Variants in FYB2 observed in about 807,000 individuals in gnomAD.
FYB2 encodes the protein FYN binding protein 2.
A neutral mutation model predicts 94.1 loss-of-function variants in FYB2; 103 were observed. The observed-to-expected ratio is 1.09, with a 90% CI of 0.93 to 1.29. The LOEUF is 1.29. Among genes scored for constraint, FYB2 ranks in the 50% most tolerant of loss-of-function variants. The probability of loss-of-function intolerance (pLI) is 0.00; values close to 1 mark genes in which losing one functional copy is unlikely to be tolerated. For missense variants in FYB2, 896 were observed against 841.5 expected, an observed-to-expected ratio of 1.06 and a Z score of -0.80; for synonymous variants, 293 against 287.9, an observed-to-expected ratio of 1.02 and a Z score of -0.18.
intron 5 of FYB2, among the ~76,000 whole-genome samples, chr1:56,766,808 A>G (rs1645635121): frequency 6.6e-6 from 1 of 152,138 alleles, no homozygotes; most frequent in African/African-American, 2.4e-5. Flanking sequence ...TGAACTTCCT[A>G]AGTATGTATT....
In FYB2 at chr1:56,734,862, CA is replaced by C. The variant is rs1644797202; in HGVS notation, c.1793+2224del. ...ACCAATAAACATATTTTAAAATGTTCAACATCACTAATCACCAGGGAAATGC... is the reference window on the plus strand; with the variant it reads ...ACCAATAAACATATTTTAAAATGTTCACATCACTAATCACCAGGGAAATGC... On this transcript the variant is annotated intron_variant, in intron 15 of 19. Transcript: ENST00000343433. Among the ~76,000 whole-genome samples the C allele has an allele frequency of 5.3e-5, 8 of 151,818 alleles. No homozygotes were observed. The South Asian group carries it at 1.7e-3, about 32-fold the overall frequency.
intron 17 of FYB2, 78 bp downstream of exon 17, chr1:56,723,510 A>G (rs1020429737): frequency 3.9e-6 from 3 of 775,826 alleles, no homozygotes; most frequent in South Asian, 3.9e-5. Context: ...GAGGCACAGC[A>G]TACTTACAGA....
intron 9 of FYB2, among the ~76,000 whole-genome samples, chr1:56,748,880 AT>A (rs1289352442): frequency 1.3e-5 from 2 of 152,080 alleles, no homozygotes; most frequent in Admixed American, 1.3e-4. Flanking sequence ...CCTTCAGTGC[AT>A]TTTATCTGGA....
chr1:56,727,651 A>G (rs1644611852), intron 15 of FYB2, among the ~76,000 whole-genome samples: 1 of 152,142 alleles, frequency 6.6e-6, no homozygotes, highest in Non-Finnish European at 1.5e-5. Context: ...TTTATTTTGA[A>G]CAAGGAAATG....
At chr1:56,787,044 T>C (rs1479882029) in intron 4 of FYB2, 131 bp downstream of exon 4, 1 of 977,274 alleles carries the variant, frequency 1.0e-6, no homozygotes, top group Non-Finnish European at 1.6e-6. Context: ...TTGTTGCTTA[T>C]AAGTTCACTG....
intron 15 of FYB2, 138 bp from the exon 16 acceptor site, chr1:56,726,721 G>A (rs765932290): frequency 4.3e-6 from 3 of 699,878 alleles, no homozygotes; most frequent in Non-Finnish European, 6.8e-6. Flanking sequence ...TCCATGGAAA[G>A]GCCATATAAT....
At chr1:56,821,658 T>A (rs1422456976), upstream of FYB2, among the ~76,000 whole-genome samples, 1 of 152,192 alleles carries the variant, frequency 6.6e-6, no homozygotes, top group Non-Finnish European at 1.5e-5. Flanking sequence ...CTTTCCCCTC[T>A]CCTCCTCAAT....
At chr1:56,812,449 C>T (rs1646788164) in intron 1 of FYB2, among the ~76,000 whole-genome samples, 1 of 152,168 alleles carries the variant, frequency 6.6e-6, no homozygotes, top group African/African-American at 2.4e-5. Flanking sequence ...AGATGATTAA[C>T]AGTAACAATA....
At position 56,792,612 on chromosome 1, in the gene FYB2, G is replaced by A; in HGVS notation, c.201C>T (p.Ser67=). The change falls in exon 2 of 20, where the codon TCC becomes TCT. Residue 67 remains serine (S), a synonymous_variant. Coordinates refer to ENST00000343433, the MANE Select transcript of FYB2 (RefSeq NM_001004303.5). ...SNHKQRTPYC[S]SSESQPLQPQ... is the part of the protein sequence containing the mutation. ...GTTGAAGAGGCTGGGACTCACTACT[G>A]GAACAGTATGGTGTGCGCTGCTTGT... 1 of 1,614,040 alleles carries A rather than the reference G, an allele frequency of 6.2e-7. No homozygotes were observed. The highest frequency in any genetic ancestry group is 2.2e-5 in the East Asian group (1 of 44,854).
upstream of FYB2, chr1:56,819,731 G>A (rs1646967596): frequency 1.0e-5 from 2 of 198,738 alleles, no homozygotes; most frequent in Non-Finnish European, 1.0e-5. Context: ...ATCCCCGTTA[G>A]TAACAACCTC....
chr1:56,822,146 C>T (rs560211841), upstream of FYB2, among the ~76,000 whole-genome samples: 1 of 152,142 alleles, frequency 6.6e-6, no homozygotes, highest in Non-Finnish European at 1.5e-5. Context: ...TTGCGAGCAT[C>T]ATTTTATTTA....
At chr1:56,747,443 T>A (rs1557604224) in intron 9 of FYB2, among the ~76,000 whole-genome samples, 1 of 151,954 alleles carries the variant, frequency 6.6e-6, no homozygotes, top group African/African-American at 2.4e-5. Flanking sequence ...TATGTGATGT[T>A]CCCTTCCCTG....
intron 4 of FYB2, among the ~76,000 whole-genome samples, chr1:56,769,558 GA>G (rs1396821335): frequency 1.3e-5 from 2 of 152,056 alleles, no homozygotes; most frequent in African/African-American, 4.8e-5. Context: ...TAATAATATG[GA>G]AAGTAGTGGA....
At chr1:56,826,723 A>T in the FYB2 span, 1 of 152,230 alleles carries the variant, frequency 6.6e-6, no homozygotes, top group East Asian at 1.9e-4. Context: ...AACTGGTTTT[A>T]TTCCTATCCA....
rs2100724162 is a variant in FYB2, at chr1:56,755,792, C to G, written c.1130+104G>C. ...AAGGTGCCGGGGAAACTGAACCAGG[C>G]TAGCTCAGTTTGGAAACATAGCTGG... On this transcript the variant is annotated intron_variant, in intron 7 of 19. Transcript: ENST00000343433. 3 of 1,153,232 alleles carry G rather than the reference C, an allele frequency of 2.6e-6. No homozygotes were observed. In the East Asian group the frequency reaches 7.1e-5, roughly 27 times the overall value. The allele number at this position is 1,153,232 out of a possible 1,614,324, so 71.4% of individuals were successfully genotyped here.
chr1:56,783,699 C>G (rs189213842), intron 4 of FYB2, among the ~76,000 whole-genome samples: 2 of 151,136 alleles, frequency 1.3e-5, no homozygotes, highest in Non-Finnish European at 3.0e-5. Flanking sequence ...AACAAAGAAG[C>G]GTGTGTGTGT....
At chr1:56,721,007 T>C (rs1053743300) in intron 17 of FYB2, among the ~76,000 whole-genome samples, 2 of 152,116 alleles carry the variant, frequency 1.3e-5, no homozygotes, top group African/African-American at 4.8e-5. Flanking sequence ...TGTATTCTTA[T>C]ATATAGCTAT....
intron 15 of FYB2, among the ~76,000 whole-genome samples, chr1:56,731,067 C>A (rs1237146249): frequency 1.3e-5 from 2 of 151,970 alleles, no homozygotes; most frequent in Non-Finnish European, 2.9e-5. Flanking sequence ...CAGAGTGAGA[C>A]CCTGTTACAA....
chr1:56,731,801 A>G (rs1333393813), intron 15 of FYB2: 2 of 152,182 alleles, frequency 1.3e-5, no homozygotes, highest in Non-Finnish European at 2.9e-5. Context: ...ACATCCTTTC[A>G]TAATAAAAGC....
Sources: allele counts gnomAD v4.1 joint callset (sites outside exome capture counted in the v4.1 genomes callset), GRCh38; gene constraint gnomAD v4.1.1; transcripts MANE v1.5; gene names NCBI Gene and HGNC (gene_info 2026-07-23, HGNC 2026-07-21).